EDC3: variants seen among roughly 807,000 people sequenced by gnomAD.
EDC3 encodes the protein enhancer of mRNA decapping 3.
EDC3 carries 20 observed loss-of-function variants against 41.8 expected under a neutral mutation model. That is an observed-to-expected ratio of 0.48 (90% CI 0.34 to 0.70). EDC3 has a LOEUF of 0.70. Among genes scored for constraint, EDC3 ranks in the 30% least tolerant of loss-of-function variants. The probability of loss-of-function intolerance (pLI) is 0.01; values close to 1 mark genes in which losing one functional copy is unlikely to be tolerated. For missense variants in EDC3, 444 were observed against 636.8 expected (o/e 0.70, Z 3.26); for synonymous variants, 206 against 243.2 (o/e 0.85, Z 1.42).
chr15:74,652,656 A>G (rs574616512), intron 4 of EDC3, among the ~76,000 whole-genome samples: 1 of 151,850 alleles, frequency 6.6e-6, no homozygotes, highest in South Asian at 2.1e-4. Context: ...ACTTTGGCTC[A>G]TTGCAGCCGC....
chr15:74,667,387 C>T (rs2062687096), intron 3 of EDC3, among the ~76,000 whole-genome samples: 1 of 147,144 alleles, frequency 6.8e-6, no homozygotes, highest in Admixed American at 7.1e-5. Flanking sequence ...ATAAGGGTGA[C>T]ACCCAGGAGC....
At position 74,631,170 on chromosome 15, in the gene EDC3, T is replaced by A. The variant is rs79171739; in HGVS notation, c.*1442A>T. The A allele has an allele frequency of 0.024, 3,727 of 152,338 alleles. 149 individuals carry two copies. The highest frequency in any genetic ancestry group is 0.086 in the African/African-American group (3,576 of 41,552). The allele number at this position is 152,338 out of a possible 1,614,324, so 9.4% of individuals were successfully genotyped here. ...CCTGGCTCATCTGCTTCTGGCTATG[T>A]TCCTACAAGGGAAGTGATAACAGCC... On this transcript the variant is annotated 3_prime_UTR_variant, in exon 7 of 7. Coordinates refer to ENST00000315127, the MANE Select transcript of EDC3 (RefSeq NM_025083.5).
Position 74,671,320 on chromosome 15 carries a change from G to A in EDC3, c.484+135C>T. Reference sequence around the variant, plus strand: ...ATGAGGCCTGGAGGAAGAGAACCATGTTGTATTTCTGTGACGCTCAGCCAG... The same window carrying A: ...ATGAGGCCTGGAGGAAGAGAACCATATTGTATTTCTGTGACGCTCAGCCAG... On this transcript the variant is annotated intron_variant, in intron 3 of 6. Transcript: ENST00000315127. The surrounding 1 kb of genome is among the most constrained non-coding windows in gnomAD (Gnocchi z 4.6). 2.0e-6 allele frequency: 2 copies of A among 1,009,962 alleles called. No individual in the cohort carries two copies. Among genetic ancestry groups the A allele is most frequent in the South Asian group, 1.6e-5 (1 of 61,760 alleles). The allele number at this position is 1,009,962 out of a possible 1,614,324, so 62.6% of individuals were successfully genotyped here.
intron 3 of EDC3, among the ~76,000 whole-genome samples, chr15:74,668,657 C>T (rs1160477436): frequency 6.6e-6 from 1 of 151,166 alleles, no homozygotes; most frequent in East Asian, 2.0e-4. Context: ...GAGTTCAAGG[C>T]TGTAGTGAGC....
In EDC3 at chr15:74,655,890, C is replaced by T. The variant is rs930460930; in HGVS notation, c.663G>A (p.Glu221=). The T allele has an allele frequency of 6.2e-7, 1 of 1,614,114 alleles. No individual in the cohort carries two copies. Among genetic ancestry groups the T allele is most frequent in the African/African-American group, 1.3e-5 (1 of 75,006 alleles). The change falls in exon 4 of 7, where the codon GAG becomes GAA. Residue 221 remains glutamate, a synonymous_variant. Transcript: ENST00000315127. ...ALFDKAAVFE[E]IDTYERRSGT... ...CACTTCTCCTTTCATAGGTATCAAT[C>T]TCCTCAAACACAGCTGCCTTGTCAA... is the stretch of plus-strand genomic sequence containing the variant.
Position 74,632,367 on chromosome 15 carries a change from C to G in EDC3, c.*245G>C. 1 of 559,856 alleles carries G rather than the reference C, an allele frequency of 1.8e-6. No homozygotes were observed. Among genetic ancestry groups the G allele is most frequent in the Non-Finnish European group, 3.2e-6 (1 of 313,292 alleles). 34.7% of individuals were successfully genotyped at this position (559,856 alleles called of 1,614,324 possible). On this transcript the variant is annotated 3_prime_UTR_variant, in exon 7 of 7. Transcript: ENST00000315127. The surrounding 1 kb of genome is among the most constrained non-coding windows in gnomAD (Gnocchi z 4.0). Reference sequence around the variant, plus strand: ...AAGGCCCACCTGGCCGTGCAGGGGGCTGAGGGTAGAGATGCCTGGAGTTGC... The same window carrying G: ...AAGGCCCACCTGGCCGTGCAGGGGGGTGAGGGTAGAGATGCCTGGAGTTGC...
chr15:74,693,418 T>A (rs185051729), intron 1 of EDC3, among the ~76,000 whole-genome samples: 1 of 152,216 alleles, frequency 6.6e-6, no homozygotes, highest in East Asian at 1.9e-4. Flanking sequence ...CAAATTATAT[T>A]GAGATCTTTT....
In EDC3 at chr15:74,674,867, C is replaced by A; in HGVS notation, c.164+94G>T. 7 of 1,406,450 alleles carry A rather than the reference C, an allele frequency of 5.0e-6. No individual in the cohort carries two copies. In the South Asian group the frequency reaches 8.4e-5, roughly 17 times the overall value. 87.1% of individuals were successfully genotyped at this position (1,406,450 alleles called of 1,614,324 possible). On this transcript the variant is annotated intron_variant, in intron 2 of 6. Transcript: ENST00000315127. Reference sequence around the variant, plus strand: ...CCATCTCTACTAAAAATACAAAAAGCGGCCATATGCCAAGAGAATACTAGC... The same window carrying A: ...CCATCTCTACTAAAAATACAAAAAGAGGCCATATGCCAAGAGAATACTAGC...
intron 3 of EDC3, among the ~76,000 whole-genome samples, chr15:74,663,656 G>T (rs1410776407): frequency 1.3e-5 from 2 of 149,436 alleles, no homozygotes; most frequent in African/African-American, 4.9e-5. Context: ...TTTTATTTGG[G>T]AGGAGAGAGT....
intron 3 of EDC3, among the ~76,000 whole-genome samples, chr15:74,663,750 CATG>C (rs2062648171): frequency 6.7e-6 from 1 of 148,400 alleles, no homozygotes; most frequent in African/African-American, 2.5e-5. Context: ...TATCATGCCA[CATG>C]ATGAGGAGCT....
At position 74,655,972 on chromosome 15, in the gene EDC3, TC is replaced by T; in HGVS notation, c.580del (p.Asp194MetfsTer69). On this transcript the variant is annotated frameshift_variant, in exon 4 of 7. Transcript: ENST00000315127. LOFTEE classifies it high-confidence loss of function. ...TGTGTCTGGGATCTCCTCAATATCA[TC>T]CCCGAAGCACTCGTCATCTTTATTC... is the stretch of plus-strand genomic sequence containing the variant. ...MKNKDDECFG[D>X]DIEEIPDTDF... The T allele has an allele frequency of 6.2e-7, 1 of 1,613,936 alleles. No individual in the cohort carries two copies. The highest frequency in any genetic ancestry group is 8.5e-7 in the Non-Finnish European group (1 of 1,180,012).
At chr15:74,647,971 G>A (rs1882623670) in intron 4 of EDC3, among the ~76,000 whole-genome samples, 1 of 152,160 alleles carries the variant, frequency 6.6e-6, no homozygotes, top group Non-Finnish European at 1.5e-5. Flanking sequence ...ACATACCGTT[G>A]GGGAATGAAG....
intron 3 of EDC3, among the ~76,000 whole-genome samples, chr15:74,669,930 G>A (rs757650521): frequency 4.0e-5 from 6 of 151,320 alleles, no homozygotes; most frequent in South Asian, 2.1e-4. Context: ...CACAACCTCC[G>A]CCTCCCTGGC....
chr15:74,675,959 A>G (rs2062802813), intron 1 of EDC3, among the ~76,000 whole-genome samples: 1 of 152,176 alleles, frequency 6.6e-6, no homozygotes, highest in Admixed American at 6.6e-5. Context: ...CAGAATATAT[A>G]TCCTTTTCAA....
chr15:74,690,906 TGGTGGCTCACGCCTCA>T (rs2063000132), intron 1 of EDC3, among the ~76,000 whole-genome samples: 1 of 152,116 alleles, frequency 6.6e-6, no homozygotes, highest in South Asian at 2.1e-4. Flanking sequence ...ACACTGGGTG[TGGTGGCTCACGCCTCA>T]GGTGGCTAGT....
chr15:74,657,236 C>T (rs1306353500), intron 3 of EDC3, among the ~76,000 whole-genome samples: 1 of 152,242 alleles, frequency 6.6e-6, no homozygotes, highest in Non-Finnish European at 1.5e-5. Flanking sequence ...TCTGGGGCTT[C>T]AGGAGTTGTA....
intron 4 of EDC3, among the ~76,000 whole-genome samples, chr15:74,653,223 C>A (rs2062503202): frequency 6.6e-6 from 1 of 151,576 alleles, no homozygotes; most frequent in Non-Finnish European, 1.5e-5. Flanking sequence ...CTCTGGGCCT[C>A]ATGTCCTCAT....
chr15:74,632,721 C>T lies in EDC3; in HGVS notation c.1418G>A (p.Arg473His), dbSNP rs1055780430. The change falls in exon 7 of 7, where the codon CGT (arginine) becomes CAT (histidine). Residue 473 changes from arginine to histidine, a missense_variant. Coordinates refer to ENST00000315127, the MANE Select transcript of EDC3 (RefSeq NM_025083.5). This position sits in a 1 kb window ranked among gnomAD's most constrained non-coding sequence, Gnocchi z 4.0. The stretch of plus-strand genomic sequence containing the variant: ...AATGCCAATGTCGCACAAATAGATA[C>T]GGCCTGCGTGCTCCCCCAGTGGCAG... The part of the protein sequence containing the change: ...LPLPLGEHAG[R>H]IYLCDIGIPQ... The T allele has an allele frequency of 1.2e-5, 20 of 1,614,046 alleles. No homozygotes were observed. Among genetic ancestry groups the T allele is most frequent in the Non-Finnish European group, 1.6e-5 (19 of 1,180,042 alleles).
At chr15:74,683,647 G>T (rs2062900610) in intron 1 of EDC3, among the ~76,000 whole-genome samples, 1 of 152,190 alleles carries the variant, frequency 6.6e-6, no homozygotes, top group East Asian at 1.9e-4. Flanking sequence ...AGGGGAAACT[G>T]GGTAGGGCAT....
Sources: gnomAD v4.1 joint callset for allele counts (sites outside exome capture counted in the v4.1 genomes callset) on GRCh38, gnomAD v4.1.1 for gene constraint, Gnocchi (gnomAD v3.1) non-coding constraint, MANE v1.5 for transcripts, NCBI Gene and HGNC (gene_info 2026-07-23, HGNC 2026-07-21) for gene names.